The following CCDC150 variants were observed in gnomAD, a reference collection of about 807,000 sequenced individuals.
CCDC150 encodes the protein coiled-coil domain-containing protein 150.
Under a neutral mutation model 156.5 loss-of-function variants are expected in CCDC150, and 151 were observed. That is an observed-to-expected ratio of 0.97 (90% CI 0.85 to 1.10). The LOEUF (loss-of-function observed/expected upper bound fraction) is 1.10. CCDC150 is among the 50% of genes least tolerant of loss of function. CCDC150 has a pLI of 0.00. For synonymous variants in CCDC150, 452 were observed against 429.4 expected, an observed-to-expected ratio of 1.05 and a Z score of -0.65; for missense variants, 1,312 against 1,268.1, an observed-to-expected ratio of 1.03 and a Z score of -0.53.
At position 196,725,985 on chromosome 2, in the gene CCDC150, T is replaced by A. The variant is rs2125714078; in HGVS notation, c.2442T>A (p.Thr814=). The A allele has an allele frequency of 6.3e-7, 1 of 1,598,582 alleles. No individual in the cohort carries two copies. Among genetic ancestry groups the A allele is most frequent in the Middle Eastern group, 1.7e-4 (1 of 6,048 alleles). ...TTCTTCAAAACAGAGACCGGATGAC[T>A]GAAGAGTCCAAAGTGGAAGCAGAAT... ...QNLETFKDRM[T]EESKVEAELH... is the part of the protein sequence containing the mutation. The change falls in exon 22 of 28, where the codon ACT becomes ACA. Residue 814 remains threonine, a synonymous_variant. Transcript: ENST00000389175.
chr2:196,703,434 A>T (rs1184908005), intron 15 of CCDC150, among the ~76,000 whole-genome samples: 1 of 152,212 alleles, frequency 6.6e-6, no homozygotes, highest in Non-Finnish European at 1.5e-5. Flanking sequence ...ATCTACATTT[A>T]TGTGACCGTG....
chr2:196,729,132 C>G, intron 22 of CCDC150, 61 bp from the exon 23 acceptor site: 1 of 1,405,804 alleles, frequency 7.1e-7, no homozygotes, highest in Non-Finnish European at 9.6e-7. Context: ...AAGGACAAAA[C>G]TAAGTAAGCT....
chr2:196,655,774 A>G (rs1308680268), intron 2 of CCDC150, among the ~76,000 whole-genome samples: 1 of 152,058 alleles, frequency 6.6e-6, no homozygotes. Flanking sequence ...AGGAGGTTTA[A>G]GATGCAGTCC....
chr2:196,706,219 T>G (rs955882380), intron 15 of CCDC150, among the ~76,000 whole-genome samples: 1 of 152,226 alleles, frequency 6.6e-6, no homozygotes, highest in African/African-American at 2.4e-5. Flanking sequence ...GTAGTTCTCC[T>G]TGAAGAGGTC....
At chr2:196,676,387 GC>G (rs1694506653) in intron 11 of CCDC150, 120 bp downstream of exon 11, 4 of 1,386,292 alleles carry the variant, frequency 2.9e-6, no homozygotes, top group Non-Finnish European at 4.0e-6. Context: ...TTTTGGGCCA[GC>G]CACAGAGCTA....
In CCDC150 at chr2:196,666,706, T is replaced by C. The variant is rs1693860031; in HGVS notation, c.763-13T>C. On this transcript the variant is annotated splice_polypyrimidine_tract_variant and intron_variant, in intron 6 of 27. Coordinates refer to ENST00000389175, the MANE Select transcript of CCDC150 (RefSeq NM_001080539.2). Reference sequence around the variant, plus strand: ...TATCTCACAGAAAAAGAGTTTTTCTTATACAATTTCAGGTGCACATTTTGC... The same window carrying C: ...TATCTCACAGAAAAAGAGTTTTTCTCATACAATTTCAGGTGCACATTTTGC... The C allele has an allele frequency of 8.9e-6, 14 of 1,581,578 alleles. No individual in the cohort carries two copies. Among genetic ancestry groups the C allele is most frequent in the Non-Finnish European group, 1.1e-5 (13 of 1,166,058 alleles).
At chr2:196,647,930 C>T (rs1692642395) in intron 2 of CCDC150, among the ~76,000 whole-genome samples, 1 of 152,134 alleles carries the variant, frequency 6.6e-6, no homozygotes, top group Admixed American at 6.6e-5. Flanking sequence ...CTTTACCCAG[C>T]CTTTGTTAAC....
intron 25 of CCDC150, 136 bp downstream of exon 25, chr2:196,730,254 C>G (rs756862240): frequency 4.8e-5 from 33 of 681,168 alleles, no homozygotes; most frequent in Non-Finnish European, 7.0e-5. Flanking sequence ...TTAGCTAAGT[C>G]CTTAGAATAA....
rs1369095897 is a variant in CCDC150 at position 196,720,693 on chromosome 2, A to G, written c.2259+25A>G. Reference sequence around the variant, plus strand: ...GGTTGGAGCCAGGCTTTAAAAAATGATAACATTGATATTTTTAGTTTTATT... The same window carrying G: ...GGTTGGAGCCAGGCTTTAAAAAATGGTAACATTGATATTTTTAGTTTTATT... On this transcript the variant is annotated intron_variant, in intron 20 of 27. Transcript: ENST00000389175. The G allele has an allele frequency of 1.9e-6, 3 of 1,577,772 alleles. No individual in the cohort carries two copies. In the Admixed American group the frequency reaches 5.2e-5, roughly 28 times the overall value.
chr2:196,705,896 G>A (rs1292585163), intron 15 of CCDC150, among the ~76,000 whole-genome samples: 1 of 152,210 alleles, frequency 6.6e-6, no homozygotes, highest in Non-Finnish European at 1.5e-5. Context: ...GCTCTGTTCT[G>A]TTCCATTGGT....
intron 20 of CCDC150, 78 bp from the exon 21 acceptor site, chr2:196,721,444 A>G: frequency 9.3e-7 from 1 of 1,070,812 alleles, no homozygotes; most frequent in South Asian, 2.4e-5. Flanking sequence ...ATAGAATGTG[A>G]GGAGTGATTA....
At chr2:196,662,310 A>C (rs955841068) in intron 5 of CCDC150, among the ~76,000 whole-genome samples, 5 of 152,214 alleles carry the variant, frequency 3.3e-5, no homozygotes, top group African/African-American at 1.2e-4. Context: ...ATAAAAAGCA[A>C]AACTAATAAA....
chr2:196,671,059 A>G (rs931439674), intron 8 of CCDC150, among the ~76,000 whole-genome samples: 3 of 152,148 alleles, frequency 2.0e-5, no homozygotes, highest in Non-Finnish European at 4.4e-5. Context: ...TTGACACATT[A>G]TCACCCAGAG....
At chr2:196,646,181 C>G (rs542606155) in intron 1 of CCDC150, among the ~76,000 whole-genome samples, 160 bp from the exon 2 acceptor site, 2 of 152,282 alleles carry the variant, frequency 1.3e-5, no homozygotes, top group Non-Finnish European at 2.9e-5. Context: ...AACAAGCTGG[C>G]TCTTATAACT....
chr2:196,668,592 C>T (rs1189401799), intron 7 of CCDC150, among the ~76,000 whole-genome samples: 1 of 152,096 alleles, frequency 6.6e-6, no homozygotes, highest in Non-Finnish European at 1.5e-5. Context: ...ATAGACTTGA[C>T]ATATATGCAA....
intron 14 of CCDC150, 70 bp downstream of exon 14, chr2:196,695,229 G>A: frequency 1.3e-6 from 1 of 744,660 alleles, no homozygotes; most frequent in Non-Finnish European, 2.3e-6. Flanking sequence ...ACAACCAGAG[G>A]TCAGGAGATG....
rs949859066 is a variant in CCDC150, at chr2:196,718,708, G to A, written c.1995+77G>A. ...AAATCTTTCATGAGCCATATGTTTC[G>A]CTTTCTTGCTTCCATTAGAATAAGG... On this transcript the variant is annotated intron_variant, in intron 18 of 27. Coordinates refer to ENST00000389175, the MANE Select transcript of CCDC150 (RefSeq NM_001080539.2). 2.6e-5 allele frequency: 39 copies of A among 1,508,756 alleles called. No homozygotes were observed. In the Middle Eastern group the frequency reaches 5.3e-4, roughly 20 times the overall value. The allele number at this position is 1,508,756 out of a possible 1,614,324, so 93.5% of individuals were successfully genotyped here.
rs142592063 is a variant in CCDC150 at position 196,682,570 on chromosome 2, A to G, written c.1509+5209A>G. Reference sequence around the variant, plus strand: ...CAATTTGAAGAGTATTACAATCTCAATAATACAATTTGTTGTATATTTTCT... The same window carrying G: ...CAATTTGAAGAGTATTACAATCTCAGTAATACAATTTGTTGTATATTTTCT... On this transcript the variant is annotated intron_variant, in intron 13 of 27. Coordinates refer to ENST00000389175, the MANE Select transcript of CCDC150 (RefSeq NM_001080539.2). Among the ~76,000 whole-genome samples, 370 of 152,240 alleles carry G rather than the reference A, an allele frequency of 2.4e-3. 3 individuals carry two copies. Among genetic ancestry groups the G allele is most frequent in the Non-Finnish European group, 2.8e-3 (191 of 67,936 alleles).
At chr2:196,727,545 C>T (rs559405282) in intron 22 of CCDC150, 2 of 152,296 alleles carry the variant, frequency 1.3e-5, no homozygotes, top group South Asian at 2.1e-4. Context: ...TTGCAATTGA[C>T]AGACCATTCA....
Sources: gnomAD v4.1 joint callset for allele counts (sites outside exome capture counted in the v4.1 genomes callset) on GRCh38, gnomAD v4.1.1 for gene constraint, MANE v1.5 for transcripts, NCBI Gene and HGNC (gene_info 2026-07-23, HGNC 2026-07-21) for gene names.